Variants in DYRK1A observed in about 807,000 individuals in gnomAD.
The protein encoded by DYRK1A is dual specificity tyrosine phosphorylation regulated kinase 1A.
A neutral mutation model predicts 79.7 loss-of-function variants in DYRK1A; 9 were observed. That is an observed-to-expected ratio of 0.11 (90% CI 0.07 to 0.20). The LOEUF is 0.20. Ranked by LOEUF, DYRK1A falls within the 10% of genes least tolerant of loss-of-function variation. DYRK1A has a pLI of 1.00. For synonymous variants in DYRK1A, 349 were observed against 329.7 expected (o/e 1.06, Z -0.63); for missense variants, 622 against 956.0 (o/e 0.65, Z 4.61).
chr21:37,389,528 T>G (rs2049829902), intron 1 of DYRK1A, among the ~76,000 whole-genome samples: 1 of 152,150 alleles, frequency 6.6e-6, no homozygotes, highest in Admixed American at 6.5e-5. Context: ...TGGTTTTTTT[T>G]GTTTGTTTTT....
chr21:37,448,579 G>A (rs1338195984), intron 2 of DYRK1A, among the ~76,000 whole-genome samples: 3 of 152,108 alleles, frequency 2.0e-5, no homozygotes, highest in Non-Finnish European at 4.4e-5. Flanking sequence ...TTATAGGTAT[G>A]ATTTATATTT....
At chr21:37,457,583 C>T (rs532807873) in intron 2 of DYRK1A, among the ~76,000 whole-genome samples, 1 of 152,180 alleles carries the variant, frequency 6.6e-6, no homozygotes, top group African/African-American at 2.4e-5. Flanking sequence ...GAATATTTTG[C>T]CTTTTGGGTA....
chr21:37,479,589 G>GTTTTTTTT (rs1569361929), intron 4 of DYRK1A, among the ~76,000 whole-genome samples: 1 of 74,382 alleles, frequency 1.3e-5, no homozygotes, highest in African/African-American at 5.6e-5. Context: ...CAGTGTTGGT[G>GTTTTTTTT]TTTTGTTTTT....
intron 1 of DYRK1A, among the ~76,000 whole-genome samples, chr21:37,408,468 A>G (rs2050187992): frequency 6.6e-6 from 1 of 152,246 alleles, no homozygotes; most frequent in Non-Finnish European, 1.5e-5. Context: ...GCCACATTTA[A>G]AAATACTCCT....
intron 2 of DYRK1A, among the ~76,000 whole-genome samples, chr21:37,434,313 A>G (rs931559303): frequency 6.6e-6 from 1 of 152,200 alleles, no homozygotes; most frequent in Non-Finnish European, 1.5e-5. Context: ...TACTCTATTT[A>G]GGAGGAGATA....
In DYRK1A at chr21:37,525,449, C is replaced by T. The variant is rs2053961608; in HGVS notation, c.*12918C>T. On this transcript the variant is annotated 3_prime_UTR_variant, in exon 12 of 12. Transcript: ENST00000647188. Reference sequence around the variant, plus strand: ...AGAACAGCATGGTAAAATCCTGCCTCCATGATTCAGTTACCTCCCACTGGG... The same window carrying T: ...AGAACAGCATGGTAAAATCCTGCCTTCATGATTCAGTTACCTCCCACTGGG... The T allele has an allele frequency of 1.3e-5, 2 of 152,170 alleles. No homozygotes were observed. Among genetic ancestry groups the T allele is most frequent in the African/African-American group, 2.4e-5 (1 of 41,418 alleles). The allele number at this position is 152,170 out of a possible 1,614,324, so 9.4% of individuals were successfully genotyped here. A position where few individuals can be genotyped will look rare whatever the true frequency, so the allele number is the denominator to read the frequency against.
intron 1 of DYRK1A, among the ~76,000 whole-genome samples, chr21:37,380,564 C>T (rs58922900): frequency 0.01 from 1,590 of 152,104 alleles, 22 homozygotes; most frequent in African/African-American, 0.036. Flanking sequence ...TCACGGGAGA[C>T]AGTTTGTAGG....
chr21:37,447,455 T>A (rs1255853633), intron 2 of DYRK1A, among the ~76,000 whole-genome samples: 6 of 152,208 alleles, frequency 3.9e-5, no homozygotes, highest in Non-Finnish European at 7.3e-5. Flanking sequence ...AAAGTCTGCT[T>A]ACCTCTTTTT....
At chr21:37,466,741 T>C (rs753028991) in intron 2 of DYRK1A, among the ~76,000 whole-genome samples, 21 of 152,062 alleles carry the variant, frequency 1.4e-4, no homozygotes, top group Non-Finnish European at 2.5e-4. Context: ...TATAACACTT[T>C]AAGTAGGAGA....
chr21:37,430,794 G>T (rs1490915445), intron 2 of DYRK1A, among the ~76,000 whole-genome samples: 1 of 152,184 alleles, frequency 6.6e-6, no homozygotes, highest in Admixed American at 6.5e-5. Flanking sequence ...CACCCTTGGG[G>T]TGACTGTTCA....
chr21:37,443,155 C>CAAA (rs2051160166), intron 2 of DYRK1A, among the ~76,000 whole-genome samples: 1 of 151,018 alleles, frequency 6.6e-6, no homozygotes, highest in Non-Finnish European at 1.5e-5. Context: ...CTTTTTTTTT[C>CAAA]CCCTTTCTTT....
At chr21:37,485,331 G>A (rs909371259) in intron 5 of DYRK1A, among the ~76,000 whole-genome samples, 15 of 152,218 alleles carry the variant, frequency 9.9e-5, no homozygotes, top group African/African-American at 3.6e-4. Context: ...GAACCCCTTG[G>A]CCACATGTTT....
chr21:37,406,833 A>C (rs2050157214), intron 1 of DYRK1A, among the ~76,000 whole-genome samples: 1 of 148,084 alleles, frequency 6.8e-6, no homozygotes, highest in Admixed American at 6.8e-5. Context: ...ATGTAATTAT[A>C]TATATATATC....
chr21:37,496,426 C>CT (rs1194498472), intron 9 of DYRK1A, among the ~76,000 whole-genome samples, 168 bp downstream of exon 9: 1 of 152,178 alleles, frequency 6.6e-6, no homozygotes, highest in Non-Finnish European at 1.5e-5. Flanking sequence ...TTGACCTGAA[C>CT]TATCAGGTAT....
At chr21:37,425,181 G>A (rs1791732723) in intron 2 of DYRK1A, among the ~76,000 whole-genome samples, 1 of 152,200 alleles carries the variant, frequency 6.6e-6, no homozygotes, top group East Asian at 1.9e-4. Flanking sequence ...CTGAAGGTCA[G>A]GGGGTTAAGG....
In DYRK1A at chr21:37,480,816, C is replaced by G; in HGVS notation, c.479C>G (p.Ser160Cys). ...YEIDSLIGKG[S>C]FGQVVKAYDR... is the part of the protein sequence containing the mutation. ...ATTGACTCCTTGATAGGCAAAGGTT[C>G]CTTTGGACAGGTAATTTAATGGAAA... The change falls in exon 5 of 12, where the codon TCC becomes TGC. Residue 160 changes from serine to cysteine, a missense_variant. Ser to Cys is a moderately radical substitution (Grantham distance 112). Coordinates refer to ENST00000647188, the MANE Select transcript of DYRK1A (RefSeq NM_001347721.2). 1 of 1,588,848 alleles carries G rather than the reference C, an allele frequency of 6.3e-7. No individual in the cohort carries two copies. The highest frequency in any genetic ancestry group is 8.5e-7 in the Non-Finnish European group (1 of 1,170,374).
Position 37,490,161 on chromosome 21 carries a change from GTT to G in DYRK1A, c.638-11_638-10del, listed in dbSNP as rs747492741. The stretch of plus-strand genomic sequence containing the variant: ...GGTATATATAATTTAAAATGAAACT[GTT>G]TTCTCTTTCAGTGCATTTGAAACGC... On this transcript the variant is annotated splice_polypyrimidine_tract_variant and intron_variant, in intron 6 of 11. Coordinates refer to ENST00000647188, the MANE Select transcript of DYRK1A (RefSeq NM_001347721.2). 5.6e-6 allele frequency: 9 copies of G among 1,605,866 alleles called. No individual in the cohort carries two copies. In the African/African-American group the frequency reaches 1.2e-4, roughly 22 times the overall value.
intron 2 of DYRK1A, among the ~76,000 whole-genome samples, chr21:37,457,624 AGT>A (rs1569340139): frequency 6.6e-6 from 1 of 152,182 alleles, no homozygotes; most frequent in Non-Finnish European, 1.5e-5. Flanking sequence ...GTAAATAATC[AGT>A]GTTTTAATTA....
At chr21:37,490,555 G>C in intron 7 of DYRK1A, 94 bp downstream of exon 7, 1 of 959,922 alleles carries the variant, frequency 1.0e-6, no homozygotes, top group Non-Finnish European at 1.3e-6. Flanking sequence ...AGTAATTGCG[G>C]TTTTCGCCAT....
Sources: allele counts gnomAD v4.1 joint callset (sites outside exome capture counted in the v4.1 genomes callset), GRCh38; gene constraint gnomAD v4.1.1; transcripts MANE v1.5; gene names NCBI Gene and HGNC (gene_info 2026-07-23, HGNC 2026-07-21).